STPG4: variants seen among roughly 807,000 people sequenced by gnomAD.
STPG4 encodes the protein protein STPG4.
A neutral mutation model predicts 31.5 loss-of-function variants in STPG4; 41 were observed. The observed-to-expected ratio is 1.30, with a 90% CI of 1.01 to 1.69. The LOEUF is 1.69. Among genes scored for constraint, STPG4 ranks in the 40% most tolerant of loss-of-function variants. STPG4 has a pLI of 0.00. For missense variants in STPG4, 375 were observed against 293.4 expected (o/e 1.28, Z -2.03); for synonymous variants, 141 against 103.0 (o/e 1.37, Z -2.24).
At chr2:47,151,919 G>GT (rs71245620) in intron 2 of STPG4, among the ~76,000 whole-genome samples, 2,542 of 74,754 alleles carry the variant, frequency 0.034, 90 homozygotes, top group African/African-American at 0.07. Flanking sequence ...TTTTTGTTTT[G>GT]TTTTTTTTTT....
At chr2:47,095,250 T>C (rs1685646518) in intron 5 of STPG4, among the ~76,000 whole-genome samples, 1 of 152,226 alleles carries the variant, frequency 6.6e-6, no homozygotes. Context: ...GATGTAATTA[T>C]TTAAGCTGCA....
intron 5 of STPG4, among the ~76,000 whole-genome samples, chr2:47,101,524 G>A (rs747992003): frequency 7.9e-5 from 12 of 151,630 alleles, no homozygotes; most frequent in Non-Finnish European, 1.2e-4. Context: ...GGTTAGTCCC[G>A]CTTCTAAAAA....
intron 5 of STPG4, among the ~76,000 whole-genome samples, chr2:47,123,045 C>T (rs753460808): frequency 7.9e-5 from 12 of 152,176 alleles, no homozygotes; most frequent in Non-Finnish European, 1.2e-4. Flanking sequence ...AGGTTGGTCT[C>T]AAACTCCTGA....
In STPG4 at chr2:47,112,272, T is replaced by G. The variant is rs572921856; in HGVS notation, c.519+17669A>C. ...AACTCTGCCTCTCAGGTTCAAGCTA[T>G]TCTTGGGCTTCATTCTCCCAAGTAG... On this transcript the variant is annotated intron_variant, in intron 5 of 6. Transcript: ENST00000445927. 9.2e-5 allele frequency among the ~76,000 whole-genome samples: 14 copies of G among 152,314 alleles called. 1 individual carries two copies. Among genetic ancestry groups the G allele is most frequent in the African/African-American group, 3.1e-4 (13 of 41,560 alleles).
intron 5 of STPG4, among the ~76,000 whole-genome samples, chr2:47,113,764 G>C (rs1328206613): frequency 6.6e-6 from 1 of 152,222 alleles, no homozygotes; most frequent in Non-Finnish European, 1.5e-5. Flanking sequence ...GCCGGGCGCA[G>C]TGGCTCATGC....
chr2:47,127,703 C>T (rs1348290062), intron 5 of STPG4, among the ~76,000 whole-genome samples: 2 of 152,132 alleles, frequency 1.3e-5, no homozygotes, highest in East Asian at 1.9e-4. Context: ...GATTTGTTTG[C>T]TAAATTTATC....
rs1031794655 is a variant in STPG4 at position 47,103,292 on chromosome 2, A to G, written c.520-12918T>C. 2.6e-5 allele frequency among the ~76,000 whole-genome samples: 4 copies of G among 151,974 alleles called. No homozygotes were observed. In the South Asian group the frequency reaches 8.3e-4, roughly 32 times the overall value. Reference sequence around the variant, plus strand: ...CCTCGAGCAGCTACGAGAGGCCTTAAGAAAATATACTCCCCTGTCACCCAA... The same window carrying G: ...CCTCGAGCAGCTACGAGAGGCCTTAGGAAAATATACTCCCCTGTCACCCAA... On this transcript the variant is annotated intron_variant, in intron 5 of 6. Coordinates refer to ENST00000445927, the MANE Select transcript of STPG4 (RefSeq NM_001163561.2).
chr2:47,144,931 T>C (rs139554268), intron 3 of STPG4, among the ~76,000 whole-genome samples: 3,171 of 152,270 alleles, frequency 0.021, 111 homozygotes, highest in African/African-American at 0.072. Flanking sequence ...GGGGTTTCAC[T>C]GTGTTAGCCA....
chr2:47,106,122 G>A (rs1685904878), intron 5 of STPG4, among the ~76,000 whole-genome samples: 2 of 151,828 alleles, frequency 1.3e-5, no homozygotes, highest in Non-Finnish European at 1.5e-5. Context: ...AGACAAAGGA[G>A]AAGTCAAAGA....
chr2:47,108,759 G>A (rs1364125659), intron 5 of STPG4: 2 of 152,378 alleles, frequency 1.3e-5, no homozygotes, highest in Non-Finnish European at 2.9e-5. Context: ...ACCGCACATA[G>A]AGATGGGTAG....
intron 6 of STPG4, among the ~76,000 whole-genome samples, chr2:47,089,091 G>T (rs1685517256): frequency 1.3e-5 from 2 of 152,182 alleles, no homozygotes; most frequent in South Asian, 2.1e-4. Context: ...ACCAATCAGT[G>T]CTCCAGTCAC....
At chr2:47,149,896 T>G (rs901919667) in intron 3 of STPG4, among the ~76,000 whole-genome samples, 1 of 152,168 alleles carries the variant, frequency 6.6e-6, no homozygotes, top group Non-Finnish European at 1.5e-5. Flanking sequence ...TACTCCTCCC[T>G]CGGAATACCT....
At chr2:47,131,557 G>C (rs546678374) in intron 3 of STPG4, among the ~76,000 whole-genome samples, 1 of 152,328 alleles carries the variant, frequency 6.6e-6, no homozygotes, top group South Asian at 2.1e-4. Flanking sequence ...TGACCAGCAG[G>C]AGTGAGAGGC....
In STPG4 at chr2:47,087,768, A is replaced by C. The variant is rs529050958; in HGVS notation, c.625-638T>G. Among the ~76,000 whole-genome samples the C allele has an allele frequency of 1.4e-4, 21 of 152,220 alleles. No homozygotes were observed. The South Asian group carries it at 4.1e-3, about 30-fold the overall frequency. ...TATTATTTATTTATATATTTTTTTG[A>C]GACAGAGTCTCGCCCTGTTGCTAGG... On this transcript the variant is annotated intron_variant, in intron 6 of 6. Coordinates refer to ENST00000445927, the MANE Select transcript of STPG4 (RefSeq NM_001163561.2).
Position 47,155,246 on chromosome 2 carries a change from G to C in STPG4, c.6C>G (p.Asp2Glu), listed in dbSNP as rs377340851. The change falls in exon 1 of 7, where the codon GAC (aspartate) becomes GAG (glutamate). Residue 2 changes from aspartate (D) to glutamate (E), a missense_variant. Coordinates refer to ENST00000445927, the MANE Select transcript of STPG4 (RefSeq NM_001163561.2). Reference protein sequence around the residue: MDQPAVATASTS... With the variant: MEQPAVATASTS... Reference sequence around the variant, plus strand: ...TGGAAGCGGTGGCGACGGCTGGCTGGTCCATGGTGGCCTCCTCTCTCTCTA... The same window carrying C: ...TGGAAGCGGTGGCGACGGCTGGCTGCTCCATGGTGGCCTCCTCTCTCTCTA... 3.5e-5 allele frequency: 57 copies of C among 1,613,972 alleles called. No homozygotes were observed. The highest frequency in any genetic ancestry group is 4.7e-5 in the Non-Finnish European group (55 of 1,180,000).
Position 47,116,340 on chromosome 2 carries a change from T to TATTTAACATTC in STPG4, c.519+13590_519+13600dup, listed in dbSNP as rs1231615583. ...ATCCCACATAAACAGGAGCTCCATT[T>TATTTAACATTC]ATTTAACATTCATTGTTGTAGAGTT... On this transcript the variant is annotated intron_variant, in intron 5 of 6. Transcript: ENST00000445927. 2.6e-5 allele frequency among the ~76,000 whole-genome samples: 4 copies of TATTTAACATTC among 152,384 alleles called. No homozygotes were observed. The South Asian group carries it at 8.3e-4, about 32-fold the overall frequency.
At chr2:47,152,367 T>C (rs1044235110) in intron 2 of STPG4, among the ~76,000 whole-genome samples, 1 of 152,260 alleles carries the variant, frequency 6.6e-6, no homozygotes, top group African/African-American at 2.4e-5. Context: ...TAGTCACTGC[T>C]GCTTTTGTGG....
chr2:47,097,123 T>A (rs1461384770), intron 5 of STPG4, among the ~76,000 whole-genome samples: 1 of 152,164 alleles, frequency 6.6e-6, no homozygotes, highest in African/African-American at 2.4e-5. Context: ...CTCAGATTCA[T>A]GTGCAAAAGG....
chr2:47,128,630 CT>C (rs1686410060), intron 5 of STPG4, among the ~76,000 whole-genome samples: 1 of 152,112 alleles, frequency 6.6e-6, no homozygotes, highest in African/African-American at 2.4e-5. Context: ...ACTCAAGGCT[CT>C]TCAGTCAGCT....
Sources: gnomAD v4.1 joint callset for allele counts (sites outside exome capture counted in the v4.1 genomes callset) on GRCh38, gnomAD v4.1.1 for gene constraint, MANE v1.5 for transcripts, NCBI Gene and HGNC (gene_info 2026-07-23, HGNC 2026-07-21) for gene names.